FLVCR2: variants seen among roughly 807,000 people sequenced by gnomAD.
FLVCR2 encodes choline/ethanolamine transporter FLVCR2.
Under a neutral mutation model 48.9 loss-of-function variants are expected in FLVCR2, and 38 were observed. The ratio of observed to expected loss-of-function variants is 0.78; its 90% CI spans 0.60 to 1.02. The LOEUF is 1.02. FLVCR2 is among the 50% of genes least tolerant of loss of function. The pLI is 0.00. For synonymous variants in FLVCR2, 255 were observed against 257.0 expected, an observed-to-expected ratio of 0.99 and a Z score of 0.07; for missense variants, 664 against 663.3, an observed-to-expected ratio of 1.00 and a Z score of -0.01.
At chr14:75,587,590 C>T (rs572283345) in intron 1 of FLVCR2, among the ~76,000 whole-genome samples, 1 of 152,322 alleles carries the variant, frequency 6.6e-6, no homozygotes, top group South Asian at 2.1e-4. Flanking sequence ...CTGGAGAATA[C>T]AACTGAGGCC....
chr14:75,613,605 G>T (rs1889520774), intron 1 of FLVCR2, among the ~76,000 whole-genome samples: 1 of 151,994 alleles, frequency 6.6e-6, no homozygotes, highest in African/African-American at 2.4e-5. Context: ...AGGCTGGAGT[G>T]CAGTGGCACA....
chr14:75,615,862 C>A (rs868436202), intron 1 of FLVCR2, among the ~76,000 whole-genome samples: 85 of 131,188 alleles, frequency 6.5e-4, no homozygotes, highest in Non-Finnish European at 7.5e-4. Flanking sequence ...ACTAAAAATA[C>A]AAAAAAAAAA....
At chr14:75,581,488 A>G (rs1274220014) in intron 1 of FLVCR2, among the ~76,000 whole-genome samples, 1 of 152,178 alleles carries the variant, frequency 6.6e-6, no homozygotes, top group Non-Finnish European at 1.5e-5. Flanking sequence ...GTTTTACTGA[A>G]TACCAAGAGC....
At chr14:75,643,877 C>G (rs188684416) in intron 9 of FLVCR2, among the ~76,000 whole-genome samples, 45 of 152,194 alleles carry the variant, frequency 3.0e-4, no homozygotes, top group African/African-American at 1.1e-3. Flanking sequence ...TTGAGACCAG[C>G]CTGGCCAACA....
At chr14:75,622,044 G>T (rs778929488) in intron 1 of FLVCR2, 35 bp from the exon 2 acceptor site, 1 of 1,612,800 alleles carries the variant, frequency 6.2e-7, no homozygotes, top group Non-Finnish European at 8.5e-7. Context: ...CTTGGCCATT[G>T]GTAACTGTGA....
Position 75,613,432 on chromosome 14 carries a change from AG to A in FLVCR2, c.670-8644del, listed in dbSNP as rs202041149. 8.1e-3 allele frequency among the ~76,000 whole-genome samples: 1,234 copies of A among 152,306 alleles called. 11 individuals carry two copies. Among genetic ancestry groups the A allele is most frequent in the Non-Finnish European group, 9.8e-3 (667 of 68,022 alleles). Reference sequence around the variant, plus strand: ...ATTCATTATTGCAAGGAGAGCACCAAGGGAATGATGATGGCACTAAACCATT... The same window carrying A: ...ATTCATTATTGCAAGGAGAGCACCAAGGAATGATGATGGCACTAAACCATT... On this transcript the variant is annotated intron_variant, in intron 1 of 9. Transcript: ENST00000238667.
intron 1 of FLVCR2, chr14:75,605,850 C>T (rs781317401): frequency 7.3e-6 from 4 of 549,258 alleles, no homozygotes; most frequent in African/African-American, 1.9e-5. Flanking sequence ...CTGGTTTTCT[C>T]CTTTTTTTCT....
At chr14:75,603,166 T>TG (rs937989699) in intron 1 of FLVCR2, among the ~76,000 whole-genome samples, 54 of 151,976 alleles carry the variant, frequency 3.6e-4, no homozygotes, top group Middle Eastern at 3.4e-3. Context: ...CAGAAAAGGG[T>TG]GGGGTCCCTG....
At chr14:75,624,863 G>A in intron 3 of FLVCR2, 111 bp downstream of exon 3, 1 of 1,326,704 alleles carries the variant, frequency 7.5e-7, no homozygotes, top group Non-Finnish European at 1.1e-6. Context: ...ATGTAAAGCT[G>A]TTGTCTAGGG....
chr14:75,615,516 C>T (rs958525745), intron 1 of FLVCR2, among the ~76,000 whole-genome samples: 5 of 152,176 alleles, frequency 3.3e-5, no homozygotes, highest in East Asian at 3.9e-4. Context: ...AGCCTCAGCC[C>T]GATGAGCTAG....
intron 1 of FLVCR2, among the ~76,000 whole-genome samples, chr14:75,614,979 C>T (rs1426057785): frequency 1.3e-5 from 2 of 152,232 alleles, no homozygotes. Context: ...TTCCTTGGCA[C>T]ATGGGGATTA....
At chr14:75,640,014 C>T (rs186551862) in intron 6 of FLVCR2, among the ~76,000 whole-genome samples, 389 of 152,252 alleles carry the variant, frequency 2.6e-3, no homozygotes, top group African/African-American at 9.0e-3. Context: ...AATCCCAGCA[C>T]TTTGGGAGTC....
chr14:75,611,824 G>T (rs1301005891), intron 1 of FLVCR2, among the ~76,000 whole-genome samples: 4 of 152,134 alleles, frequency 2.6e-5, no homozygotes, highest in Non-Finnish European at 5.9e-5. Flanking sequence ...AGTTGTGAGG[G>T]CATAGATGAA....
At position 75,579,677 on chromosome 14, in the gene FLVCR2, T is replaced by C. The variant is rs370515241; in HGVS notation, c.669+36T>C. 3.7e-6 allele frequency: 6 copies of C among 1,604,338 alleles called. No individual in the cohort carries two copies. In the African/African-American group the frequency reaches 8.0e-5, roughly 21 times the overall value. ...CAGTTTGTGAATGTTCCCAGGGGCGTGTGTTAGATTGCACCTAACTATTGG... is the reference window on the plus strand; with the variant it reads ...CAGTTTGTGAATGTTCCCAGGGGCGCGTGTTAGATTGCACCTAACTATTGG... On this transcript the variant is annotated intron_variant, in intron 1 of 9. Transcript: ENST00000238667.
intron 4 of FLVCR2, among the ~76,000 whole-genome samples, chr14:75,634,475 A>C (rs1890116942): frequency 6.6e-6 from 1 of 152,226 alleles, no homozygotes; most frequent in Non-Finnish European, 1.5e-5. Flanking sequence ...TATAGTAAGC[A>C]CTCAAAAATA....
chr14:75,580,970 G>A (rs1365591925), intron 1 of FLVCR2, among the ~76,000 whole-genome samples: 1 of 152,172 alleles, frequency 6.6e-6, no homozygotes, highest in Non-Finnish European at 1.5e-5. Context: ...AAACAAAATA[G>A]TGAAGTGTTG....
chr14:75,635,683 G>A (rs1408440128), intron 5 of FLVCR2, among the ~76,000 whole-genome samples: 1 of 151,970 alleles, frequency 6.6e-6, no homozygotes, highest in African/African-American at 2.4e-5. Flanking sequence ...TGGGCAACAT[G>A]GTGAAACCCC....
At chr14:75,634,439 TA>T (rs1890115964) in intron 4 of FLVCR2, among the ~76,000 whole-genome samples, 1 of 152,152 alleles carries the variant, frequency 6.6e-6, no homozygotes, top group South Asian at 2.1e-4. Flanking sequence ...GATAATGATA[TA>T]AAACCTTAGG....
At chr14:75,611,912 G>A (rs1457493000) in intron 1 of FLVCR2, among the ~76,000 whole-genome samples, 2 of 152,124 alleles carry the variant, frequency 1.3e-5, no homozygotes, top group East Asian at 3.9e-4. Context: ...CTTCCTCCTG[G>A]TTTGAGTAAC....
Sources: allele counts gnomAD v4.1 joint callset (sites outside exome capture counted in the v4.1 genomes callset), GRCh38; gene constraint gnomAD v4.1.1; transcripts MANE v1.5; gene names NCBI Gene and HGNC (gene_info 2026-07-23, HGNC 2026-07-21).